PIEZO2: variants seen among roughly 807,000 people sequenced by gnomAD.
PIEZO2 encodes the protein piezo type mechanosensitive ion channel component 2.
A neutral mutation model predicts 337.3 loss-of-function variants in PIEZO2; 172 were observed. The ratio of observed to expected loss-of-function variants is 0.51; its 90% CI spans 0.45 to 0.58. The LOEUF (loss-of-function observed/expected upper bound fraction) is 0.58. Ranked by LOEUF, PIEZO2 falls within the 20% of genes least tolerant of loss-of-function variation. PIEZO2 has a pLI of 0.00. For missense variants in PIEZO2, 3,028 were observed against 3,391.3 expected, an observed-to-expected ratio of 0.89 and a Z score of 2.66; for synonymous variants, 1,251 against 1,228.5, an observed-to-expected ratio of 1.02 and a Z score of -0.38.
intron 43 of PIEZO2, among the ~76,000 whole-genome samples, chr18:10,701,115 T>C (rs2035312666): frequency 6.6e-6 from 1 of 152,200 alleles, no homozygotes; most frequent in Non-Finnish European, 1.5e-5. Context: ...TAAAAAGGAT[T>C]CTAGGGACTA....
chr18:11,054,365 A>G (rs79844820), intron 2 of PIEZO2, among the ~76,000 whole-genome samples: 3,551 of 152,330 alleles, frequency 0.023, 114 homozygotes, highest in Admixed American at 0.081. Context: ...TGCTGCATGC[A>G]ATAACTATTC....
chr18:10,758,252 C>A, intron 26 of PIEZO2, 118 bp from the exon 27 acceptor site: 2 of 1,179,468 alleles, frequency 1.7e-6, no homozygotes, highest in South Asian at 3.2e-5. Context: ...GTTGTGTTCC[C>A]AAAGTTCATA....
intron 47 of PIEZO2, 92 bp from the exon 48 acceptor site, chr18:10,691,475 A>T (rs1248055533): frequency 7.6e-7 from 1 of 1,318,962 alleles, no homozygotes; most frequent in Non-Finnish European, 1.0e-6. Context: ...GGCCAACAGA[A>T]TTTCCCCTTC....
rs2043106432 is a variant in PIEZO2, at chr18:10,903,677, A to C, written c.329+7509T>G. Reference sequence around the variant, plus strand: ...GACAGAGCAAGACTCCATCTCAAAAAAAAAAAGATTCAAACTTCTTGGCAT... The same window carrying C: ...GACAGAGCAAGACTCCATCTCAAAACAAAAAAGATTCAAACTTCTTGGCAT... On this transcript the variant is annotated intron_variant, in intron 4 of 55. Coordinates refer to ENST00000674853, the MANE Select transcript of PIEZO2 (RefSeq NM_001378183.1). This position sits in a 1 kb window ranked among gnomAD's most constrained non-coding sequence, Gnocchi z 4.1. Among the ~76,000 whole-genome samples the C allele has an allele frequency of 6.6e-6, 1 of 152,132 alleles. No homozygotes were observed. Among genetic ancestry groups the C allele is most frequent in the Admixed American group, 6.6e-5 (1 of 15,266 alleles).
Position 11,016,461 on chromosome 18 carries a change from C to A in PIEZO2, c.161-36801G>T, listed in dbSNP as rs1373894725. On this transcript the variant is annotated intron_variant, in intron 2 of 55. Coordinates refer to ENST00000674853, the MANE Select transcript of PIEZO2 (RefSeq NM_001378183.1). This position sits in a 1 kb window ranked among gnomAD's most constrained non-coding sequence, Gnocchi z 5.6. ...TCAGGGGCCCCAGAGAGAAAGTGAA[C>A]CCCTAGGAACCCCCTGCAAAGGGTG... is the stretch of plus-strand genomic sequence containing the variant. Among the ~76,000 whole-genome samples, 1 of 152,066 alleles carries A rather than the reference C, an allele frequency of 6.6e-6. No homozygotes were observed. Among genetic ancestry groups the A allele is most frequent in the Non-Finnish European group, 1.5e-5 (1 of 67,982 alleles).
rs756035066 is a variant in PIEZO2, at chr18:11,016,904, C to T, written c.161-37244G>A. On this transcript the variant is annotated intron_variant, in intron 2 of 55. Transcript: ENST00000674853. The surrounding 1 kb of genome is among the most constrained non-coding windows in gnomAD (Gnocchi z 5.6). ...TTGTTTATTTCATTATTTACTTGGTCCTGCTGATGTTTAAACATGGAGTTG... is the reference window on the plus strand; with the variant it reads ...TTGTTTATTTCATTATTTACTTGGTTCTGCTGATGTTTAAACATGGAGTTG... 6.6e-6 allele frequency among the ~76,000 whole-genome samples: 1 copy of T among 152,056 alleles called. No homozygotes were observed. The highest frequency in any genetic ancestry group is 2.4e-5 in the African/African-American group (1 of 41,390).
At chr18:10,685,019 TC>T (rs1353177887) in intron 49 of PIEZO2, among the ~76,000 whole-genome samples, 1 of 152,094 alleles carries the variant, frequency 6.6e-6, no homozygotes, top group Non-Finnish European at 1.5e-5. Flanking sequence ...CCAATCAGCT[TC>T]CTGAAATGTT....
At position 10,766,331 on chromosome 18, in the gene PIEZO2, A is replaced by AAGG. The variant is rs1212025714; in HGVS notation, c.2947-3236_2947-3234dup. ...GAAGGGGAAGGAGAAGTAGGAGGAGAAGGAGGAGGAGGAGGACAATGACTA... is the reference window on the plus strand; with the variant it reads ...GAAGGGGAAGGAGAAGTAGGAGGAGAAGGAGGAGGAGGAGGAGGACAATGACTA... On this transcript the variant is annotated intron_variant, in intron 21 of 55. Transcript: ENST00000674853. This position sits in a 1 kb window ranked among gnomAD's most constrained non-coding sequence, Gnocchi z 6.1. Among the ~76,000 whole-genome samples the AAGG allele has an allele frequency of 7.9e-5, 12 of 151,476 alleles. No homozygotes were observed. The East Asian group carries it at 2.1e-3, about 27-fold the overall frequency.
At chr18:10,978,119 G>A (rs899044886) in intron 3 of PIEZO2, among the ~76,000 whole-genome samples, 4 of 152,016 alleles carry the variant, frequency 2.6e-5, no homozygotes, top group Non-Finnish European at 4.4e-5. Flanking sequence ...TCAGGAGATC[G>A]AGACCATACT....
rs1306815447 is a variant in PIEZO2, at chr18:10,726,427, G to T, written c.5029+4980C>A. 3.7e-5 allele frequency: 57 copies of T among 1,530,118 alleles called. No individual in the cohort carries two copies. Among genetic ancestry groups the T allele is most frequent in the Non-Finnish European group, 4.9e-5 (56 of 1,145,026 alleles). 94.8% of individuals were successfully genotyped at this position (1,530,118 alleles called of 1,614,324 possible). ...CAGCCGTGGCACAACGCGGAGGGCC[G>T]GCTGCGGTACGGGCTACGGCCGGCG... On this transcript the variant is annotated intron_variant, in intron 36 of 55. Coordinates refer to ENST00000674853, the MANE Select transcript of PIEZO2 (RefSeq NM_001378183.1). This position sits in a 1 kb window ranked among gnomAD's most constrained non-coding sequence, Gnocchi z 5.9.
chr18:10,948,564 G>A (rs2033141794), intron 3 of PIEZO2, among the ~76,000 whole-genome samples: 1 of 152,156 alleles, frequency 6.6e-6, no homozygotes, highest in Non-Finnish European at 1.5e-5. Flanking sequence ...GTCTGTGAGT[G>A]TGTTCACTAA....
At chr18:10,774,780 T>A (rs528114768) in intron 18 of PIEZO2, among the ~76,000 whole-genome samples, 13 of 152,312 alleles carry the variant, frequency 8.5e-5, no homozygotes, top group Non-Finnish European at 1.9e-4. Flanking sequence ...GTAGACATAC[T>A]GATAGTCTTC....
At chr18:10,729,401 G>T (rs1033607705) in intron 36 of PIEZO2, among the ~76,000 whole-genome samples, 2 of 152,012 alleles carry the variant, frequency 1.3e-5, no homozygotes, top group African/African-American at 4.8e-5. Flanking sequence ...CAAGGTGGAC[G>T]GATCACTTGA....
At chr18:10,802,400 T>G (rs908464436) in intron 9 of PIEZO2, among the ~76,000 whole-genome samples, 2 of 152,182 alleles carry the variant, frequency 1.3e-5, no homozygotes, top group African/African-American at 4.8e-5. Flanking sequence ...GACCAGGTAG[T>G]CTTAAAATAC....
chr18:10,748,736 A>G lies in PIEZO2; in HGVS notation c.4265-106T>C. 2 of 1,064,496 alleles carry G rather than the reference A, an allele frequency of 1.9e-6. No individual in the cohort carries two copies. Among genetic ancestry groups the G allele is most frequent in the Non-Finnish European group, 2.6e-6 (2 of 773,432 alleles). 65.9% of individuals were successfully genotyped at this position (1,064,496 alleles called of 1,614,324 possible). On this transcript the variant is annotated intron_variant, in intron 29 of 55. Coordinates refer to ENST00000674853, the MANE Select transcript of PIEZO2 (RefSeq NM_001378183.1). The surrounding 1 kb of genome is among the most constrained non-coding windows in gnomAD (Gnocchi z 5.1). ...GCTTGGGAAATATAGGCATAAAAGC[A>G]GCATTCTGATGCTCTGACTTACTTA...
rs866146850 is a variant in PIEZO2 at position 10,802,281 on chromosome 18, C to A, written c.1201-853G>T. Among the ~76,000 whole-genome samples the A allele has an allele frequency of 2.0e-4, 31 of 151,992 alleles. 1 individual carries two copies. The highest frequency in any genetic ancestry group is 6.8e-4 in the African/African-American group (28 of 41,388). On this transcript the variant is annotated intron_variant, in intron 9 of 55. Coordinates refer to ENST00000674853, the MANE Select transcript of PIEZO2 (RefSeq NM_001378183.1). ...TAATTAGCACAGCAAGTGGTTCTAC[C>A]ACAATTTTAGGTCAGTACTCATTTG...
Position 11,035,952 on chromosome 18 carries a change from T to G in PIEZO2, c.160+30175A>C, listed in dbSNP as rs1355054634. ...TGCTTGTTAGCAAGAAGTCCACACC[T>G]GGAACATGCTTGAAGCACAGGTGCT... On this transcript the variant is annotated intron_variant, in intron 2 of 55. Transcript: ENST00000674853. This position sits in a 1 kb window ranked among gnomAD's most constrained non-coding sequence, Gnocchi z 4.3. Among the ~76,000 whole-genome samples, 1 of 152,198 alleles carries G rather than the reference T, an allele frequency of 6.6e-6. No individual in the cohort carries two copies. The highest frequency in any genetic ancestry group is 1.5e-5 in the Non-Finnish European group (1 of 68,042).
At chr18:10,805,273 G>C (rs930718941) in intron 8 of PIEZO2, among the ~76,000 whole-genome samples, 2 of 152,204 alleles carry the variant, frequency 1.3e-5, no homozygotes, top group Non-Finnish European at 2.9e-5. Context: ...CAGCACTCTG[G>C]GAGGCCAAGG....
At chr18:10,908,987 T>G (rs1283910621) in intron 4 of PIEZO2, among the ~76,000 whole-genome samples, 1 of 152,220 alleles carries the variant, frequency 6.6e-6, no homozygotes, top group African/African-American at 2.4e-5. Flanking sequence ...AAATCCTGCC[T>G]GCTGCCTGTT....
Sources: gnomAD v4.1 joint callset for allele counts (sites outside exome capture counted in the v4.1 genomes callset) on GRCh38, gnomAD v4.1.1 for gene constraint, Gnocchi (gnomAD v3.1) non-coding constraint, MANE v1.5 for transcripts, NCBI Gene and HGNC (gene_info 2026-07-23, HGNC 2026-07-21) for gene names.